MAPKAP1: variants seen among roughly 807,000 people sequenced by gnomAD.
The protein encoded by MAPKAP1 is MAPK associated protein 1, also known as target of rapamycin complex 2 subunit MAPKAP1.
A neutral mutation model predicts 65.7 loss-of-function variants in MAPKAP1; 20 were observed. The observed-to-expected ratio is 0.30, with a 90% CI of 0.21 to 0.44. The LOEUF is 0.44. Ranked by LOEUF, MAPKAP1 falls within the 20% of genes least tolerant of loss-of-function variation. The pLI is 1.00. For synonymous variants in MAPKAP1, 222 were observed against 244.3 expected, an observed-to-expected ratio of 0.91 and a Z score of 0.85; for missense variants, 423 against 648.0, an observed-to-expected ratio of 0.65 and a Z score of 3.77.
chr9:125,651,895 A>G (rs1183110847), intron 4 of MAPKAP1, among the ~76,000 whole-genome samples: 1 of 152,236 alleles, frequency 6.6e-6, no homozygotes, highest in African/African-American at 2.4e-5. Flanking sequence ...CCACTGCCTC[A>G]GCTCAGGCAG....
chr9:125,517,846 T>C (rs1183561583), intron 7 of MAPKAP1, among the ~76,000 whole-genome samples: 1 of 152,188 alleles, frequency 6.6e-6, no homozygotes, highest in African/African-American at 2.4e-5. Context: ...CCCACCTTCC[T>C]TGGGACCTTG....
chr9:125,508,462 C>G (rs1829208495), intron 7 of MAPKAP1, among the ~76,000 whole-genome samples: 2 of 152,206 alleles, frequency 1.3e-5, no homozygotes, highest in Non-Finnish European at 2.9e-5. Flanking sequence ...CTGTTCCTAT[C>G]TCCAAAATCT....
At chr9:125,619,773 CA>C (rs1169962995) in intron 4 of MAPKAP1, among the ~76,000 whole-genome samples, 1 of 150,830 alleles carries the variant, frequency 6.6e-6, no homozygotes, top group African/African-American at 2.4e-5. Context: ...GCTATAGAGG[CA>C]AAAAATGTAT....
intron 10 of MAPKAP1, among the ~76,000 whole-genome samples, chr9:125,444,951 C>T (rs941321034): frequency 6.6e-5 from 10 of 152,164 alleles, no homozygotes; most frequent in Admixed American, 2.6e-4. Context: ...TAAAAATAAA[C>T]TAACTGTTTA....
chr9:125,698,294 T>TATATATATAAA (rs1564622361), intron 1 of MAPKAP1, among the ~76,000 whole-genome samples: 12 of 6,326 alleles, frequency 1.9e-3, no homozygotes, highest in African/African-American at 8.1e-3. Context: ...TATAAATATA[T>TATATATATAAA]ATATATATAT....
intron 8 of MAPKAP1, chr9:125,505,841 C>A: frequency 5.7e-6 from 1 of 176,116 alleles, no homozygotes; most frequent in South Asian, 1.3e-4. Context: ...TTTGGAAACT[C>A]TGAAGAGAGA....
chr9:125,577,611 T>TG (rs1169402533), intron 5 of MAPKAP1, among the ~76,000 whole-genome samples: 8,954 of 32,664 alleles, frequency 0.27, 1,106 homozygotes, highest in East Asian at 0.46. Context: ...GGGAGGGAGG[T>TG]GGGGGGGGTC....
chr9:125,698,282 T>TATATAA (rs1368470183), intron 1 of MAPKAP1, among the ~76,000 whole-genome samples: 3 of 25,354 alleles, frequency 1.2e-4, no homozygotes, highest in East Asian at 8.7e-4. Flanking sequence ...ATACATAATA[T>TATATAA]ATATAAATAT....
chr9:125,663,441 A>G (rs1484970187), intron 3 of MAPKAP1, among the ~76,000 whole-genome samples: 2 of 152,084 alleles, frequency 1.3e-5, no homozygotes, highest in Non-Finnish European at 2.9e-5. Context: ...CAAAATAGCA[A>G]AATTCTCTGC....
At chr9:125,670,672 G>A (rs1338309522) in intron 2 of MAPKAP1, among the ~76,000 whole-genome samples, 1 of 152,046 alleles carries the variant, frequency 6.6e-6, no homozygotes, top group Non-Finnish European at 1.5e-5. Flanking sequence ...TGATTATATT[G>A]CCACTGGCTG....
At chr9:125,614,395 G>A (rs1479730085) in intron 4 of MAPKAP1, among the ~76,000 whole-genome samples, 1 of 152,116 alleles carries the variant, frequency 6.6e-6, no homozygotes, top group Non-Finnish European at 1.5e-5. Flanking sequence ...AGCCCAAGGT[G>A]GGCAGATCAC....
chr9:125,614,777 A>G (rs1306991534), intron 4 of MAPKAP1, among the ~76,000 whole-genome samples: 1 of 152,218 alleles, frequency 6.6e-6, no homozygotes, highest in Non-Finnish European at 1.5e-5. Context: ...AACAGAAAGG[A>G]CTTTTATTAA....
rs1483080193 is a variant in MAPKAP1, at chr9:125,443,676, T to TAGCCCCGCC, written c.1443+816_1443+824dup. Among the ~76,000 whole-genome samples the TAGCCCCGCC allele has an allele frequency of 4.9e-4, 74 of 150,810 alleles. 1 individual carries two copies. The highest frequency in any genetic ancestry group is 7.0e-3 in the Middle Eastern group (2 of 284). On this transcript the variant is annotated intron_variant, in intron 11 of 11. Coordinates refer to ENST00000265960, the MANE Select transcript of MAPKAP1 (RefSeq NM_001006617.3). ...CCACTCTGCAAGGCCCTGCACGGCC[T>TAGCCCCGCC]AGCCCCGCCAGCCCCGCCAGCTCCC...
chr9:125,635,323 C>T (rs1833393103), intron 4 of MAPKAP1, among the ~76,000 whole-genome samples: 2 of 152,230 alleles, frequency 1.3e-5, no homozygotes, highest in Non-Finnish European at 2.9e-5. Context: ...CCCAATACTA[C>T]AAATTAAATT....
Position 125,595,406 on chromosome 9 carries a change from G to T in MAPKAP1, c.499-9679C>A. 1 of 353,058 alleles carries T rather than the reference G, an allele frequency of 2.8e-6. No individual in the cohort carries two copies. Among genetic ancestry groups the T allele is most frequent in the Non-Finnish European group, 4.1e-6 (1 of 244,022 alleles). 21.9% of individuals were successfully genotyped at this position (353,058 alleles called of 1,614,324 possible). On this transcript the variant is annotated intron_variant, in intron 4 of 11. Coordinates refer to ENST00000265960, the MANE Select transcript of MAPKAP1 (RefSeq NM_001006617.3). The surrounding 1 kb of genome is among the most constrained non-coding windows in gnomAD (Gnocchi z 4.0). ...TGAAATGTATGTATTTGAACATGCT[G>T]ATGAATTAAAACATTATCTAGAGCA...
At chr9:125,558,238 C>G (rs756766459) in intron 6 of MAPKAP1, among the ~76,000 whole-genome samples, 2 of 152,092 alleles carry the variant, frequency 1.3e-5, no homozygotes, top group African/African-American at 2.4e-5. Flanking sequence ...CATATACACA[C>G]GATTATTATA....
intron 7 of MAPKAP1, among the ~76,000 whole-genome samples, chr9:125,512,257 C>T (rs1829322767): frequency 6.6e-6 from 1 of 152,250 alleles, no homozygotes; most frequent in Non-Finnish European, 1.5e-5. Flanking sequence ...CACACTGTCG[C>T]CTCCATTGCT....
rs111780131 is a variant in MAPKAP1, at chr9:125,482,148, A to G, written c.1207+2295T>C. Among the ~76,000 whole-genome samples, 32 of 116,986 alleles carry G rather than the reference A, an allele frequency of 2.7e-4. 1 individual carries two copies. The highest frequency in any genetic ancestry group is 2.1e-4 in the Non-Finnish European group (12 of 57,468). 76.7% of individuals were successfully genotyped at this position (116,986 alleles called of 152,430 possible). A position where few individuals can be genotyped will look rare whatever the true frequency, so the allele number is the denominator to read the frequency against. On this transcript the variant is annotated intron_variant, in intron 9 of 11. Coordinates refer to ENST00000265960, the MANE Select transcript of MAPKAP1 (RefSeq NM_001006617.3). ...ACTCTGTCTAAAAAAAAAAAAAAAAAAAGAAGAAGAAGAAAGAAAGTGTAC... is the reference window on the plus strand; with the variant it reads ...ACTCTGTCTAAAAAAAAAAAAAAAAGAAGAAGAAGAAGAAAGAAAGTGTAC...
At chr9:125,470,068 G>A (rs866055782) in intron 9 of MAPKAP1, among the ~76,000 whole-genome samples, 2 of 152,062 alleles carry the variant, frequency 1.3e-5, no homozygotes, top group Non-Finnish European at 2.9e-5. Context: ...GAAAGAATGG[G>A]GAAAAATATC....
Sources: gnomAD v4.1 joint callset for allele counts (sites outside exome capture counted in the v4.1 genomes callset) on GRCh38, gnomAD v4.1.1 for gene constraint, Gnocchi (gnomAD v3.1) non-coding constraint, MANE v1.5 for transcripts, NCBI Gene and HGNC (gene_info 2026-07-23, HGNC 2026-07-21) for gene names.